PLCE1: variants seen among roughly 807,000 people sequenced by gnomAD.
PLCE1 encodes 1-phosphatidylinositol 4,5-bisphosphate phosphodiesterase epsilon-1.
A neutral mutation model predicts 242.8 loss-of-function variants in PLCE1; 119 were observed. That is an observed-to-expected ratio of 0.49 (90% CI 0.42 to 0.57). The LOEUF (loss-of-function observed/expected upper bound fraction) is 0.57, where lower values mean the gene tolerates loss of function less well. Among genes scored for constraint, PLCE1 ranks in the 20% least tolerant of loss-of-function variants. PLCE1 has a pLI of 0.00. For synonymous variants in PLCE1, 945 were observed against 1,017.4 expected (o/e 0.93, Z 1.35); for missense variants, 2,441 against 2,788.8 (o/e 0.88, Z 2.81).
At chr10:94,137,914 T>G in intron 3 of PLCE1, 1 of 375,602 alleles carries the variant, frequency 2.7e-6, no homozygotes, top group South Asian at 2.7e-5. Context: ...ACAAAGCCAG[T>G]GCTGAGGAGA....
intron 2 of PLCE1, among the ~76,000 whole-genome samples, chr10:94,073,501 G>A (rs939483605): frequency 1.2e-4 from 18 of 152,158 alleles, no homozygotes; most frequent in Non-Finnish European, 1.3e-4. Flanking sequence ...GTGAAGATAC[G>A]GAAGCAGAAT....
At chr10:94,274,238 G>A (rs1342817644) in intron 19 of PLCE1, among the ~76,000 whole-genome samples, 1 of 152,126 alleles carries the variant, frequency 6.6e-6, no homozygotes, top group Admixed American at 6.5e-5. Flanking sequence ...CTGTGAAAAA[G>A]TTCAGGTACA....
At chr10:94,001,835 T>C (rs1205286970) in intron 1 of PLCE1, among the ~76,000 whole-genome samples, 1 of 152,252 alleles carries the variant, frequency 6.6e-6, no homozygotes, top group African/African-American at 2.4e-5. Context: ...TAGCCTGTTT[T>C]GCCAATCTCA....
At chr10:94,061,664 C>T (rs963989024) in intron 2 of PLCE1, among the ~76,000 whole-genome samples, 1 of 149,620 alleles carries the variant, frequency 6.7e-6, no homozygotes, top group African/African-American at 2.5e-5. Context: ...GCCTGGGCAA[C>T]ACAGAGCAAC....
intron 3 of PLCE1, among the ~76,000 whole-genome samples, chr10:94,133,092 A>C (rs1415550317): frequency 2.0e-5 from 3 of 152,152 alleles, no homozygotes; most frequent in Non-Finnish European, 4.4e-5. Context: ...AATTACTATG[A>C]CAAGATGCTA....
rs552490723 is a variant in PLCE1, at chr10:94,134,777, G to A, written c.1492+2318G>A. On this transcript the variant is annotated intron_variant, in intron 3 of 32. Transcript: ENST00000371380. ...CAATTGTATTTGCACTTCCCTGTTCGAAATAGAACCTCATAGATCAATATT... is the reference window on the plus strand; with the variant it reads ...CAATTGTATTTGCACTTCCCTGTTCAAAATAGAACCTCATAGATCAATATT... 5.9e-5 allele frequency among the ~76,000 whole-genome samples: 9 copies of A among 152,244 alleles called. No individual in the cohort carries two copies. In the South Asian group the frequency reaches 8.3e-4, roughly 14 times the overall value.
At chr10:94,003,240 T>G (rs2060965792) in intron 1 of PLCE1, among the ~76,000 whole-genome samples, 1 of 152,228 alleles carries the variant, frequency 6.6e-6, no homozygotes. Flanking sequence ...TTTTCATACT[T>G]TCTAGAAGGC....
chr10:94,001,394 C>T (rs115119938), intron 1 of PLCE1, among the ~76,000 whole-genome samples: 1,605 of 152,242 alleles, frequency 0.011, 10 homozygotes, highest in Middle Eastern at 0.02. Context: ...AAGTTCAGAG[C>T]TATAACAAAA....
rs2046625103 is a variant in PLCE1 at position 94,132,324 on chromosome 10, T to C, written c.1357T>C (p.Tyr453His). 1.9e-6 allele frequency: 3 copies of C among 1,613,730 alleles called. No individual in the cohort carries two copies. The African/African-American group carries it at 4.0e-5, about 22-fold the overall frequency. The change falls in exon 3 of 33, where the codon TAT (tyrosine) becomes CAT (histidine). Residue 453 changes from tyrosine (Y) to histidine (H), a missense_variant. Physicochemically the swap from Tyr to His is moderately conservative, Grantham distance 83 (BLOSUM62 2). Around this residue, in one of 5 missense-constraint regions of PLCE1, gnomAD observed 733 missense variants for 754.2 expected, o/e 0.97. Transcript: ENST00000371380. Reference sequence around the variant, plus strand: ...ATGTGTCCGAGACACTGTATGTGAGTATCGCGCCACCCTCCAAAGGACTTC... The same window carrying C: ...ATGTGTCCGAGACACTGTATGTGAGCATCGCGCCACCCTCCAAAGGACTTC... ...KQCVRDTVCE[Y>H]RATLQRTSIS...
At chr10:94,121,148 C>T (rs1024188296) in intron 2 of PLCE1, 11 of 152,240 alleles carry the variant, frequency 7.2e-5, no homozygotes, top group African/African-American at 2.2e-4. Flanking sequence ...GCATAGTGGG[C>T]ACTAGCCCAG....
chr10:94,134,374 C>T (rs2046702084), intron 3 of PLCE1, among the ~76,000 whole-genome samples: 1 of 152,196 alleles, frequency 6.6e-6, no homozygotes, highest in Non-Finnish European at 1.5e-5. Context: ...GCTGGAATTA[C>T]AGGTGTGAGC....
At position 94,179,512 on chromosome 10, in the gene PLCE1, G is replaced by GTTTTTT. The variant is rs1554877545; in HGVS notation, c.1809+8029_1809+8034dup. 6.7e-4 allele frequency among the ~76,000 whole-genome samples: 13 copies of GTTTTTT among 19,388 alleles called. 1 individual carries two copies. The highest frequency in any genetic ancestry group is 4.8e-3 in the East Asian group (2 of 418). 12.7% of individuals were successfully genotyped at this position (19,388 alleles called of 152,430 possible). On this transcript the variant is annotated intron_variant, in intron 4 of 32. Coordinates refer to ENST00000371380, the MANE Select transcript of PLCE1 (RefSeq NM_016341.4). ...TTTATCTTATTTTTATTTTAGTTTA[G>GTTTTTT]TTTTTTTTTTTTTTTTTTGACAGGG...
intron 2 of PLCE1, among the ~76,000 whole-genome samples, chr10:94,095,198 C>T (rs923606345): frequency 5.9e-5 from 9 of 152,190 alleles, no homozygotes; most frequent in African/African-American, 2.2e-4. Context: ...AGCCTCGGGA[C>T]TCATGCAATG....
At position 94,031,283 on chromosome 10, in the gene PLCE1, A is replaced by G. The variant is rs1335224140; in HGVS notation, c.237A>G (p.Lys79=). ...LPKILSIARE[K]IVSDENSNEK... ...AGATTCTCTCAATAGCGAGGGAGAAAATAGTGAGTGATGAGAACAGTAATG... is the reference window on the plus strand; with the variant it reads ...AGATTCTCTCAATAGCGAGGGAGAAGATAGTGAGTGATGAGAACAGTAATG... Residue 79 remains lysine (K), a synonymous_variant, in exon 2 of 33, where the codon AAA becomes AAG. Transcript: ENST00000371380. The G allele has an allele frequency of 6.2e-7, 1 of 1,613,796 alleles. No homozygotes were observed. Among genetic ancestry groups the G allele is most frequent in the Non-Finnish European group, 8.5e-7 (1 of 1,179,894 alleles).
At chr10:94,054,809 G>C (rs536261298) in intron 2 of PLCE1, among the ~76,000 whole-genome samples, 15 of 151,978 alleles carry the variant, frequency 9.9e-5, no homozygotes, top group Non-Finnish European at 2.1e-4. Flanking sequence ...TCAGGAGATC[G>C]AGACCATCCT....
rs147997466 is a variant in PLCE1 at position 94,098,549 on chromosome 10, G to A, written c.1207-33625G>A. ...AGCCTATATTCAGACTTCCCTGATT[G>A]TCTTTAAAATGGCTTTTAATATTTG... On this transcript the variant is annotated intron_variant, in intron 2 of 32. Coordinates refer to ENST00000371380, the MANE Select transcript of PLCE1 (RefSeq NM_016341.4). Among the ~76,000 whole-genome samples the A allele has an allele frequency of 4.2e-4, 64 of 152,252 alleles. 1 individual carries two copies. In the East Asian group the frequency reaches 0.011, roughly 25 times the overall value.
chr10:94,205,518 A>G (rs1047366997), intron 4 of PLCE1, among the ~76,000 whole-genome samples: 1 of 152,262 alleles, frequency 6.6e-6, no homozygotes, highest in African/African-American at 2.4e-5. Flanking sequence ...CTCTACAAAT[A>G]TTCATTGAAT....
At chr10:94,179,532 A>ATTTTTTTTTTT (rs2048240963) in intron 4 of PLCE1, among the ~76,000 whole-genome samples, 1 of 2,302 alleles carries the variant, frequency 4.3e-4, no homozygotes, top group African/African-American at 7.3e-4. Flanking sequence ...TTTTTTTTTG[A>ATTTTTTTTTTT]CAGGGTCTCT....
chr10:94,016,965 C>G (rs1484950600), intron 1 of PLCE1, among the ~76,000 whole-genome samples: 1 of 152,096 alleles, frequency 6.6e-6, no homozygotes, highest in African/African-American at 2.4e-5. Context: ...ACTTAACATG[C>G]TTCCTATGCT....
Sources: gnomAD v4.1 joint callset for allele counts (sites outside exome capture counted in the v4.1 genomes callset) on GRCh38, gnomAD v4.1.1 for gene constraint, gnomAD v4.1.1 regional missense constraint, MANE v1.5 for transcripts, NCBI Gene and HGNC (gene_info 2026-07-23, HGNC 2026-07-21) for gene names.